CFAP70: variants seen among roughly 807,000 people sequenced by gnomAD.
CFAP70 encodes the protein cilia- and flagella-associated protein 70.
Under a neutral mutation model 137.6 loss-of-function variants are expected in CFAP70, and 81 were observed. The observed-to-expected ratio is 0.59, with a 90% CI of 0.49 to 0.71. The LOEUF is 0.71. Ranked by LOEUF, CFAP70 falls within the 30% of genes least tolerant of loss-of-function variation. CFAP70 has a pLI of 0.00. For synonymous variants in CFAP70, 382 were observed against 423.6 expected (o/e 0.90, Z 1.20); for missense variants, 976 against 1,226.7 (o/e 0.80, Z 3.05).
intron 8 of CFAP70, 147 bp from the exon 10 acceptor site, chr10:73,323,244 C>A: frequency 1.9e-6 from 1 of 528,178 alleles, no homozygotes; most frequent in South Asian, 5.6e-5. Context: ...TTACATAAGA[C>A]ATTTTGGGCC....
chr10:73,277,068 G>A, intron 21 of CFAP70, 172 bp downstream of exon 22: 1 of 716,916 alleles, frequency 1.4e-6, no homozygotes, highest in Non-Finnish European at 2.1e-6. Context: ...GCTGCCATGT[G>A]CAAAGAGTGG....
chr10:73,261,311 A>G (rs2045158508), intron 25 of CFAP70, among the ~76,000 whole-genome samples: 1 of 151,824 alleles, frequency 6.6e-6, no homozygotes, highest in African/African-American at 2.4e-5. Context: ...ATTTTTTTGT[A>G]TTTTTTATTT....
intron 12 of CFAP70, among the ~76,000 whole-genome samples, chr10:73,306,946 T>C (rs767564761): frequency 9.9e-5 from 15 of 152,206 alleles, no homozygotes; most frequent in East Asian, 1.9e-4. Context: ...GCCAGTATTA[T>C]TGCACTTTCA....
intron 1 of CFAP70, among the ~76,000 whole-genome samples, chr10:73,355,763 G>A (rs2054628869): frequency 6.6e-6 from 1 of 152,272 alleles, no homozygotes; most frequent in Admixed American, 6.5e-5. Context: ...GGGCAAAAGA[G>A]TGACTCCGTC....
At chr10:73,279,521 CTCAA>C (rs1224302945) in intron 19 of CFAP70, among the ~76,000 whole-genome samples, 1 of 108,234 alleles carries the variant, frequency 9.2e-6, no homozygotes, top group Non-Finnish European at 2.0e-5. Flanking sequence ...AAGACTCTGT[CTCAA>C]TAAATAAATA....
At chr10:73,268,008 C>A (rs925172015) in intron 25 of CFAP70, among the ~76,000 whole-genome samples, 13 of 152,338 alleles carry the variant, frequency 8.5e-5, no homozygotes, top group African/African-American at 2.9e-4. Flanking sequence ...TCTGCCCCCA[C>A]CACCAGAGAA....
chr10:73,278,000 C>T (rs1465852721), intron 20 of CFAP70, among the ~76,000 whole-genome samples, 179 bp downstream of exon 21: 2 of 152,204 alleles, frequency 1.3e-5, no homozygotes, highest in Non-Finnish European at 1.5e-5. Flanking sequence ...TAGTTGGCTA[C>T]TTCTGTGAGC....
chr10:73,283,747 G>A (rs2131835087), intron 19 of CFAP70, among the ~76,000 whole-genome samples: 1 of 152,162 alleles, frequency 6.6e-6, no homozygotes, highest in South Asian at 2.1e-4. Flanking sequence ...TTGGGGGACA[G>A]GTTCTCACTA....
chr10:73,292,033 A>G lies in CFAP70; in HGVS notation c.1771-19T>C. On this transcript the variant is annotated intron_variant, in intron 16 of 26. Coordinates refer to ENST00000310715, the Ensembl canonical transcript of CFAP70. ...CCAATCTCTAAGCATCAGGAGAGCC[A>G]AGGTTATTGTGATACTATGTCCTAT... 6.2e-7 allele frequency: 1 copy of G among 1,613,350 alleles called. No individual in the cohort carries two copies. Among genetic ancestry groups the G allele is most frequent in the East Asian group, 2.2e-5 (1 of 44,892 alleles).
rs1840647132 is a variant in CFAP70, at chr10:73,256,507, C to T, written c.3028-91G>A. ...GCCTCAGCTAAGGCAGAGGCACCTA[C>T]ACCTAAGGCAGAGGCTTCTACACCT... On this transcript the variant is annotated intron_variant, in intron 25 of 26. Coordinates refer to ENST00000310715, the Ensembl canonical transcript of CFAP70. 4 of 1,328,836 alleles carry T rather than the reference C, an allele frequency of 3.0e-6. No homozygotes were observed. In the South Asian group the frequency reaches 4.9e-5, roughly 16 times the overall value. The allele number at this position is 1,328,836 out of a possible 1,614,324, so 82.3% of individuals were successfully genotyped here. A position where few individuals can be genotyped will look rare whatever the true frequency, so the allele number is the denominator to read the frequency against.
chr10:73,286,183 G>A (rs957486077), intron 19 of CFAP70, among the ~76,000 whole-genome samples: 1 of 152,066 alleles, frequency 6.6e-6, no homozygotes, highest in Non-Finnish European at 1.5e-5. Flanking sequence ...GGTGGCTCAC[G>A]CCTGTAATCC....
At chr10:73,274,463 T>G in exon 23 of CFAP70, 1 of 1,613,684 alleles carries the variant, frequency 6.2e-7, no homozygotes, top group South Asian at 1.1e-5. Context: ...TGAGCCCCAG[T>G]CTCAGGAAGA....
chr10:73,342,054 C>T (rs1291906617), intron 5 of CFAP70, among the ~76,000 whole-genome samples: 3 of 152,024 alleles, frequency 2.0e-5, no homozygotes, highest in East Asian at 1.9e-4. Context: ...CTTTAGAAAA[C>T]GAACTAAAAT....
In CFAP70 at chr10:73,273,168, T is replaced by C; in HGVS notation, c.2836-151A>G. 1.5e-5 allele frequency: 10 copies of C among 666,546 alleles called. No homozygotes were observed. The South Asian group carries it at 1.6e-4, about 11-fold the overall frequency. The allele number at this position is 666,546 out of a possible 1,614,324, so 41.3% of individuals were successfully genotyped here. On this transcript the variant is annotated intron_variant, in intron 23 of 26. Transcript: ENST00000310715. Reference sequence around the variant, plus strand: ...TACTTTGACGTCTACCTTAAGGGAGTTATCGCAAGAAGATTGGTGAGAGGA... The same window carrying C: ...TACTTTGACGTCTACCTTAAGGGAGCTATCGCAAGAAGATTGGTGAGAGGA...
intron 25 of CFAP70, among the ~76,000 whole-genome samples, chr10:73,266,532 C>G (rs1361558166): frequency 2.0e-5 from 3 of 152,062 alleles, no homozygotes; most frequent in African/African-American, 7.2e-5. Context: ...TAACATTTTC[C>G]TTATCTTGTT....
intron 12 of CFAP70, among the ~76,000 whole-genome samples, chr10:73,300,815 G>A (rs1206377828): frequency 1.3e-5 from 2 of 152,104 alleles, no homozygotes; most frequent in African/African-American, 2.4e-5. Context: ...AGCTGAGATC[G>A]CACCACTGCA....
intron 7 of CFAP70, among the ~76,000 whole-genome samples, chr10:73,335,098 T>C (rs942192654): frequency 6.7e-6 from 1 of 148,626 alleles, no homozygotes; most frequent in African/African-American, 2.5e-5. Context: ...AGGGTCTTAC[T>C]TTGTTGCCCA....
At chr10:73,263,928 A>G (rs2045516769) in intron 25 of CFAP70, among the ~76,000 whole-genome samples, 1 of 152,100 alleles carries the variant, frequency 6.6e-6, no homozygotes, top group South Asian at 2.1e-4. Context: ...TTTGACTGTA[A>G]GCTTTCCTTT....
At chr10:73,331,067 G>T in intron 8 of CFAP70, 110 bp downstream of exon 9, 1 of 710,970 alleles carries the variant, frequency 1.4e-6, no homozygotes, top group Non-Finnish European at 2.3e-6. Context: ...GTCACCCTTA[G>T]GAGAACAGCT....
Sources: gnomAD v4.1 joint callset for allele counts (sites outside exome capture counted in the v4.1 genomes callset) on GRCh38, gnomAD v4.1.1 for gene constraint, MANE v1.5 for transcripts, NCBI Gene and HGNC (gene_info 2026-07-23, HGNC 2026-07-21) for gene names.